Variants in CACNA2D3 observed in about 807,000 individuals in gnomAD.
CACNA2D3 encodes calcium voltage-gated channel auxiliary subunit alpha2delta 3.
A neutral mutation model predicts 160.6 loss-of-function variants in CACNA2D3; 60 were observed. The observed-to-expected ratio is 0.37, with a 90% CI of 0.30 to 0.46. The LOEUF (loss-of-function observed/expected upper bound fraction) is 0.46, where lower values mean the gene tolerates loss of function less well. Among genes scored for constraint, CACNA2D3 ranks in the 20% least tolerant of loss-of-function variants. The pLI is 1.00. For missense variants in CACNA2D3, 1,205 were observed against 1,365.0 expected, an observed-to-expected ratio of 0.88 and a Z score of 1.85; for synonymous variants, 558 against 492.9, an observed-to-expected ratio of 1.13 and a Z score of -1.75.
chr3:54,172,498 C>T lies in CACNA2D3; in HGVS notation c.204+48904C>T, dbSNP rs79935213. 7.5e-3 allele frequency among the ~76,000 whole-genome samples: 1,149 copies of T among 152,224 alleles called. 13 individuals carry two copies. Among genetic ancestry groups the T allele is most frequent in the South Asian group, 0.015 (70 of 4,812 alleles). On this transcript the variant is annotated intron_variant, in intron 2 of 37. Coordinates refer to ENST00000474759, the MANE Select transcript of CACNA2D3 (RefSeq NM_018398.3). ...GCCCACTACATATAGGTGGGGATGA[C>T]GTAAACCCAGCTGGGCAAGTGCGGG...
intron 29 of CACNA2D3, among the ~76,000 whole-genome samples, chr3:54,979,088 C>T (rs1239870757): frequency 6.6e-6 from 1 of 152,018 alleles, no homozygotes; most frequent in Non-Finnish European, 1.5e-5. Context: ...TTTTTTAAAG[C>T]CAAGCCTAGC....
chr3:54,813,887 C>G (rs374123830), intron 13 of CACNA2D3, among the ~76,000 whole-genome samples: 1 of 123,538 alleles, frequency 8.1e-6, no homozygotes, highest in Non-Finnish European at 1.6e-5. Flanking sequence ...TTTTTTGAGA[C>G]AGGATCTCAC....
At chr3:55,013,560 A>C (rs539901314) in intron 34 of CACNA2D3, among the ~76,000 whole-genome samples, 2 of 152,220 alleles carry the variant, frequency 1.3e-5, no homozygotes, top group Admixed American at 1.3e-4. Flanking sequence ...AGGTTTCTTC[A>C]TTCTAAATTT....
At chr3:54,126,448 T>C (rs1699592481) in intron 2 of CACNA2D3, among the ~76,000 whole-genome samples, 1 of 152,212 alleles carries the variant, frequency 6.6e-6, no homozygotes, top group Non-Finnish European at 1.5e-5. Context: ...TTTTATCAGT[T>C]GTTTCTATGT....
chr3:54,467,967 A>G (rs1345217903), intron 4 of CACNA2D3, among the ~76,000 whole-genome samples: 1 of 152,240 alleles, frequency 6.6e-6, no homozygotes, highest in Non-Finnish European at 1.5e-5. Flanking sequence ...TGCATGTGTC[A>G]AAACATCACA....
At chr3:54,687,140 T>G (rs1343817193) in intron 11 of CACNA2D3, among the ~76,000 whole-genome samples, 15 of 69,664 alleles carry the variant, frequency 2.2e-4, no homozygotes, top group African/African-American at 7.3e-4. Context: ...TTTTTGTTTT[T>G]TTTTTTTTTT....
Position 54,266,305 on chromosome 3 carries a change from A to G in CACNA2D3, c.205-54137A>G, listed in dbSNP as rs570072827. Among the ~76,000 whole-genome samples the G allele has an allele frequency of 1.2e-4, 18 of 152,344 alleles. No homozygotes were observed. In the South Asian group the frequency reaches 3.7e-3, roughly 32 times the overall value. On this transcript the variant is annotated intron_variant, in intron 2 of 37. Coordinates refer to ENST00000474759, the MANE Select transcript of CACNA2D3 (RefSeq NM_018398.3). Reference sequence around the variant, plus strand: ...GCTACCTGCTGTCCATAATAAATTTACAAATATTTTTCTAGTTATTATCTC... The same window carrying G: ...GCTACCTGCTGTCCATAATAAATTTGCAAATATTTTTCTAGTTATTATCTC...
At chr3:54,859,512 C>T (rs1167201696) in intron 17 of CACNA2D3, among the ~76,000 whole-genome samples, 1 of 152,198 alleles carries the variant, frequency 6.6e-6, no homozygotes, top group East Asian at 1.9e-4. Flanking sequence ...TTTGCTGAAA[C>T]TTCTTCTCAG....
At chr3:54,627,705 A>G (rs1212258352) in intron 9 of CACNA2D3, 82 bp from the exon 10 acceptor site, 3 of 827,008 alleles carry the variant, frequency 3.6e-6, no homozygotes, top group Non-Finnish European at 2.1e-6. Context: ...TGGTCTTGCC[A>G]TGGCGTACAT....
At chr3:54,617,542 A>G (rs1200545037) in intron 9 of CACNA2D3, among the ~76,000 whole-genome samples, 2 of 152,242 alleles carry the variant, frequency 1.3e-5, no homozygotes, top group South Asian at 2.1e-4. Context: ...TCTGATAGCA[A>G]TATTGCTGAA....
At chr3:54,683,349 A>G (rs1158771938) in intron 11 of CACNA2D3, among the ~76,000 whole-genome samples, 1 of 152,188 alleles carries the variant, frequency 6.6e-6, no homozygotes, top group African/African-American at 2.4e-5. Context: ...AAATAAAAAC[A>G]CAAAAACCAG....
intron 2 of CACNA2D3, among the ~76,000 whole-genome samples, chr3:54,277,751 T>C (rs537666408): frequency 6.6e-6 from 1 of 152,356 alleles, no homozygotes; most frequent in South Asian, 2.1e-4. Flanking sequence ...TTGATTCTTC[T>C]GTACATGAGC....
chr3:54,236,357 C>A (rs574111322), intron 2 of CACNA2D3, among the ~76,000 whole-genome samples: 14 of 152,214 alleles, frequency 9.2e-5, no homozygotes, highest in Non-Finnish European at 1.9e-4. Flanking sequence ...ACAAATACAC[C>A]AATAAATGTA....
Position 54,972,653 on chromosome 3 carries a change from T to TCAATGCACTCTCTGGGCCTTGG in CACNA2D3, c.2556+2812_2556+2833dup, listed in dbSNP as rs574832978. On this transcript the variant is annotated intron_variant, in intron 29 of 37. Coordinates refer to ENST00000474759, the MANE Select transcript of CACNA2D3 (RefSeq NM_018398.3). ...CACTCCAGCCCCTTTGTCTCCCCAG[T>TCAATGCACTCTCTGGGCCTTGG]CAATGCACTCTCTGGGCCTTGGCAG... is the stretch of plus-strand genomic sequence containing the variant. 3.8e-4 allele frequency among the ~76,000 whole-genome samples: 58 copies of TCAATGCACTCTCTGGGCCTTGG among 152,284 alleles called. No homozygotes were observed. In the East Asian group the frequency reaches 0.011, roughly 28 times the overall value.
intron 2 of CACNA2D3, among the ~76,000 whole-genome samples, chr3:54,279,656 T>G (rs1702825270): frequency 6.6e-6 from 1 of 152,358 alleles, no homozygotes; most frequent in African/African-American, 2.4e-5. Context: ...CCAGCAGCCC[T>G]GTTGTACCTA....
Position 54,763,776 on chromosome 3 carries a change from T to TAC in CACNA2D3, c.1247-442_1247-441insAC, listed in dbSNP as rs57643573. 9.2e-4 allele frequency among the ~76,000 whole-genome samples: 47 copies of TAC among 50,820 alleles called. 7 individuals are homozygous for TAC. Among genetic ancestry groups the TAC allele is most frequent in the African/African-American group, 8.3e-4 (12 of 14,456 alleles). 33.3% of individuals were successfully genotyped at this position (50,820 alleles called of 152,430 possible). A position where few individuals can be genotyped will look rare whatever the true frequency, so the allele number is the denominator to read the frequency against. The stretch of plus-strand genomic sequence containing the variant: ...ATATATACACATATATATGTATATA[T>TAC]GTACATATATATGTATATATATGTA... On this transcript the variant is annotated intron_variant, in intron 12 of 37. Coordinates refer to ENST00000474759, the MANE Select transcript of CACNA2D3 (RefSeq NM_018398.3).
At chr3:54,407,784 C>T (rs1575438956) in intron 4 of CACNA2D3, among the ~76,000 whole-genome samples, 1 of 152,014 alleles carries the variant, frequency 6.6e-6, no homozygotes, top group East Asian at 1.9e-4. Flanking sequence ...TAGCTTGATC[C>T]AATAGGGAGA....
chr3:54,123,436 T>TGTGTGCGTGTGC, intron 1 of CACNA2D3, 77 bp from the exon 2 acceptor site: 1 of 916,914 alleles, frequency 1.1e-6, no homozygotes. Context: ...CATAGTCCCA[T>TGTGTGCGTGTGC]GTGTGCGTGT....
At chr3:55,005,605 T>C (rs1044107508) in intron 32 of CACNA2D3, among the ~76,000 whole-genome samples, 3 of 152,180 alleles carry the variant, frequency 2.0e-5, no homozygotes, top group Non-Finnish European at 2.9e-5. Context: ...AGCTGATTCC[T>C]TGGTGATGTC....
Sources: gnomAD v4.1 joint callset for allele counts (sites outside exome capture counted in the v4.1 genomes callset) on GRCh38, gnomAD v4.1.1 for gene constraint, MANE v1.5 for transcripts, NCBI Gene and HGNC (gene_info 2026-07-23, HGNC 2026-07-21) for gene names.